Variants in MLXIPL observed in about 807,000 individuals in gnomAD.
MLXIPL encodes carbohydrate-responsive element-binding protein.
Under a neutral mutation model 81.5 loss-of-function variants are expected in MLXIPL, and 49 were observed. The observed-to-expected ratio is 0.60, with a 90% CI of 0.48 to 0.76. MLXIPL has a LOEUF of 0.76. MLXIPL is among the 30% of genes least tolerant of loss of function. MLXIPL has a pLI of 0.00. For missense variants in MLXIPL, 1,053 were observed against 1,167.0 expected (o/e 0.90, Z 1.42); for synonymous variants, 466 against 485.5 (o/e 0.96, Z 0.53).
chr7:73,602,004 C>T (rs970007590), intron 7 of MLXIPL, among the ~76,000 whole-genome samples: 1 of 151,968 alleles, frequency 6.6e-6, no homozygotes, highest in Non-Finnish European at 1.5e-5. Flanking sequence ...GCATGGTGCA[C>T]GTGCGTCTGC....
intron 5 of MLXIPL, chr7:73,606,429 T>TTTTTC (rs1795288282): frequency 1.3e-5 from 2 of 150,550 alleles, no homozygotes; most frequent in African/African-American, 3.4e-5. Context: ...TTTCTTTTTC[T>TTTTTC]TTTTTTTTTT....
chr7:73,629,100 T>C (rs370800891), upstream of MLXIPL, among the ~76,000 whole-genome samples: 3 of 151,686 alleles, frequency 2.0e-5, no homozygotes, highest in East Asian at 5.8e-4. Context: ...TGGAGTGCAG[T>C]GGCGTGATCT....
chr7:73,599,579 C>T lies in MLXIPL; in HGVS notation c.1018G>A (p.Val340Met), dbSNP rs1402040200. The change falls in exon 8 of 17, where the codon GTG becomes ATG. Residue 340 changes from valine to methionine, a missense_variant. Around this residue, in one of 3 missense-constraint regions of MLXIPL, gnomAD observed 823 missense variants for 933.0 expected, o/e 0.88. Coordinates refer to ENST00000313375, the MANE Select transcript of MLXIPL (RefSeq NM_032951.3). ...LFSSGTLGPEVPPASSAMTHL... is the reference protein window; with the variant it reads ...LFSSGTLGPEMPPASSAMTHL... The stretch of plus-strand genomic sequence containing the variant: ...GTCATGGCCGAGGAAGCCGGGGGCA[C>T]CTCTGGGCCCAGGGTCCCACTGCTG... 2.5e-6 allele frequency: 4 copies of T among 1,612,824 alleles called. No homozygotes were observed. The highest frequency in any genetic ancestry group is 4.5e-5 in the East Asian group (2 of 44,848).
At chr7:73,603,565 A>G (rs1329119629) in intron 7 of MLXIPL, among the ~76,000 whole-genome samples, 2 of 151,958 alleles carry the variant, frequency 1.3e-5, no homozygotes, top group Non-Finnish European at 2.9e-5. Context: ...ATAGGCCTCC[A>G]CCTCTTGATT....
rs2116457089 is a variant in MLXIPL at position 73,616,055 on chromosome 7, G to A, written c.400+16C>T. The A allele has an allele frequency of 1.2e-6, 2 of 1,605,786 alleles. No individual in the cohort carries two copies. Among genetic ancestry groups the A allele is most frequent in the Non-Finnish European group, 1.7e-6 (2 of 1,172,486 alleles). ...GCAGTCCCTCCCGGCTTGGGAGGCTGGTGGTAGCCACTCACACTGGATATA... is the reference window on the plus strand; with the variant it reads ...GCAGTCCCTCCCGGCTTGGGAGGCTAGTGGTAGCCACTCACACTGGATATA... On this transcript the variant is annotated intron_variant, in intron 2 of 16. Coordinates refer to ENST00000313375, the MANE Select transcript of MLXIPL (RefSeq NM_032951.3).
the MLXIPL span, among the ~76,000 whole-genome samples, chr7:73,635,498 T>G: frequency 3.9e-5 from 6 of 151,998 alleles, no homozygotes; most frequent in African/African-American, 1.4e-4. Flanking sequence ...CACCTTACTA[T>G]CCACCCATCT....
chr7:73,595,403 A>G (rs1794193457), intron 15 of MLXIPL, among the ~76,000 whole-genome samples: 1 of 151,970 alleles, frequency 6.6e-6, no homozygotes, highest in South Asian at 2.1e-4. Flanking sequence ...GGCTCCCCTT[A>G]CCCAAGGACT....
intron 9 of MLXIPL, 26 bp downstream of exon 9, chr7:73,597,156 T>TTC (rs1794399232): frequency 6.3e-7 from 1 of 1,587,926 alleles, no homozygotes; most frequent in Non-Finnish European, 8.5e-7. Context: ...TCCCCAGGCT[T>TTC]TCCTCTCCCC....
chr7:73,608,253 G>A (rs1795457717), intron 2 of MLXIPL, among the ~76,000 whole-genome samples: 1 of 152,090 alleles, frequency 6.6e-6, no homozygotes, highest in Non-Finnish European at 1.5e-5. Flanking sequence ...CTGCTGAATG[G>A]ATTGTGGGGC....
chr7:73,647,492 C>T, the MLXIPL span, among the ~76,000 whole-genome samples: 1 of 152,282 alleles, frequency 6.6e-6, no homozygotes, highest in African/African-American at 2.4e-5. Flanking sequence ...GTGGGAGACA[C>T]GGGGCTTCCA....
At chr7:73,598,783 G>A (rs1409529666) in intron 8 of MLXIPL, among the ~76,000 whole-genome samples, 1 of 152,090 alleles carries the variant, frequency 6.6e-6, no homozygotes, top group Non-Finnish European at 1.5e-5. Flanking sequence ...TCTGATGATG[G>A]AGGGAAAAGG....
At chr7:73,607,134 A>G in intron 4 of MLXIPL, 116 bp from the exon 5 acceptor site, 1 of 1,414,308 alleles carries the variant, frequency 7.1e-7, no homozygotes, top group Non-Finnish European at 9.8e-7. Context: ...TCAGGAGCTC[A>G]CCCGACCCCT....
intron 9 of MLXIPL, 91 bp from the exon 10 acceptor site, chr7:73,597,023 C>T: frequency 2.0e-6 from 3 of 1,504,524 alleles, no homozygotes; most frequent in Non-Finnish European, 2.7e-6. Context: ...GAGTCCACAC[C>T]CCTTTTAGGT....
chr7:73,622,850 C>A (rs1476496072), intron 1 of MLXIPL, among the ~76,000 whole-genome samples: 7 of 152,048 alleles, frequency 4.6e-5, no homozygotes, highest in Non-Finnish European at 7.4e-5. Flanking sequence ...GAGGCCCCCT[C>A]CCAAATAGAG....
chr7:73,635,616 C>A, the MLXIPL span, among the ~76,000 whole-genome samples: 9 of 151,738 alleles, frequency 5.9e-5, no homozygotes, highest in Admixed American at 1.3e-4. Flanking sequence ...ATCCATCCAT[C>A]TCTCTCCATC....
At position 73,606,089 on chromosome 7, in the gene MLXIPL, G is replaced by A. The variant is rs148582295; in HGVS notation, c.641C>T (p.Pro214Leu). The change falls in exon 6 of 17, where the codon CCG becomes CTG. Residue 214 changes from proline (P) to leucine (L), a missense_variant. This residue lies in a region of MLXIPL where 823 missense variants were observed against 933.0 expected (regional missense o/e 0.88). Transcript: ENST00000313375. ...GAAGAGCTGTTTGCACCATTGCTCC[G>A]GCGGCGGCCACCTGCCTTCCGCCTA... ...PKQAEGRWPP[P>L]EQWCKQLFSS... is the part of the protein sequence containing the mutation. 1.1e-5 allele frequency: 17 copies of A among 1,582,830 alleles called. No individual in the cohort carries two copies. Among genetic ancestry groups the A allele is most frequent in the South Asian group, 2.3e-5 (2 of 86,888 alleles).
At chr7:73,608,108 C>T (rs529559674) in intron 2 of MLXIPL, among the ~76,000 whole-genome samples, 120 of 151,662 alleles carry the variant, frequency 7.9e-4, no homozygotes, top group Non-Finnish European at 1.3e-3. Flanking sequence ...CCACCTGCCT[C>T]GGGCTTCCAA....
In MLXIPL at chr7:73,624,277, C is replaced by A; in HGVS notation, c.216G>T (p.Val72=). 1 of 1,590,286 alleles carries A rather than the reference C, an allele frequency of 6.3e-7. No homozygotes were observed. Among genetic ancestry groups the A allele is most frequent in the Non-Finnish European group, 8.5e-7 (1 of 1,169,940 alleles). The change falls in exon 1 of 17, where the codon GTG becomes GTT. Residue 72 remains valine (V), a synonymous_variant. Transcript: ENST00000313375. Reference sequence around the variant, plus strand: ...TGCGCGGCCCGAAGTCGGAGGGCCCCACGGACCCCTCCTGGTCGCGCCGCC... The same window carrying A: ...TGCGCGGCCCGAAGTCGGAGGGCCCAACGGACCCCTCCTGGTCGCGCCGCC... The part of the protein sequence containing the change: ...LPRRRDQEGS[V]GPSDFGPRSI...
the MLXIPL span, among the ~76,000 whole-genome samples, chr7:73,630,004 T>TTATC: frequency 6.7e-6 from 1 of 149,980 alleles, no homozygotes; most frequent in Non-Finnish European, 1.5e-5. Flanking sequence ...ATTTATTTAT[T>TTATC]TATTTATTTA....
Sources: allele counts gnomAD v4.1 joint callset (sites outside exome capture counted in the v4.1 genomes callset), GRCh38; gene constraint gnomAD v4.1.1; regional missense constraint gnomAD v4.1.1; transcripts MANE v1.5; gene names NCBI Gene and HGNC (gene_info 2026-07-23, HGNC 2026-07-21).